Variants in TMEM217 observed in about 807,000 individuals in gnomAD.
TMEM217 encodes the protein chromosome 6 open reading frame 128.
For synonymous variants in TMEM217, 76 were observed against 88.3 expected (o/e 0.86, Z 0.78); for missense variants, 204 against 248.8 (o/e 0.82, Z 1.21).
intron 1 of TMEM217, among the ~76,000 whole-genome samples, chr6:37,226,196 C>T (rs1763813721): frequency 6.6e-6 from 1 of 151,470 alleles, no homozygotes; most frequent in African/African-American, 2.4e-5. Context: ...ACCATCTCCT[C>T]ATAAAGAGAT....
At chr6:37,240,373 G>A (rs946879625) in intron 1 of TMEM217, among the ~76,000 whole-genome samples, 1 of 152,172 alleles carries the variant, frequency 6.6e-6, no homozygotes, top group Non-Finnish European at 1.5e-5. Context: ...CTGTTGGCAG[G>A]AAGCCACAGT....
intron 1 of TMEM217, among the ~76,000 whole-genome samples, chr6:37,236,462 T>G (rs1343492431): frequency 6.6e-6 from 1 of 152,178 alleles, no homozygotes; most frequent in East Asian, 1.9e-4. Flanking sequence ...GAGAGTAAGC[T>G]AATTAGTTGT....
downstream of TMEM217, chr6:37,215,411 C>A: frequency 8.6e-7 from 1 of 1,161,414 alleles, no homozygotes; most frequent in Non-Finnish European, 1.1e-6. Flanking sequence ...CCCATCTCTA[C>A]TAAAGATACA....
At chr6:37,249,878 GACC>G (rs1396147468) in intron 1 of TMEM217, among the ~76,000 whole-genome samples, 1 of 152,214 alleles carries the variant, frequency 6.6e-6, no homozygotes, top group Non-Finnish European at 1.5e-5. Context: ...ATACACTCCA[GACC>G]ACCAATTCCA....
At chr6:37,235,523 G>A (rs568971708) in intron 1 of TMEM217, among the ~76,000 whole-genome samples, 28 of 152,132 alleles carry the variant, frequency 1.8e-4, no homozygotes, top group Admixed American at 4.6e-4. Flanking sequence ...CCGCCACCAC[G>A]CCTGGCTAAT....
intron 1 of TMEM217, among the ~76,000 whole-genome samples, chr6:37,252,637 A>ATAT (rs1765500286): frequency 1.1e-4 from 8 of 71,366 alleles, no homozygotes; most frequent in African/African-American, 2.6e-4. Context: ...ATATATATAT[A>ATAT]TTTTTTTTTT....
intron 1 of TMEM217, among the ~76,000 whole-genome samples, chr6:37,222,786 A>G (rs1049394711): frequency 1.3e-5 from 2 of 152,232 alleles, no homozygotes; most frequent in African/African-American, 4.8e-5. Context: ...CGGCTGCAGT[A>G]GCACCCGGTG....
At chr6:37,215,102 C>T (rs905434910), downstream of TMEM217, 48 of 1,515,062 alleles carry the variant, frequency 3.2e-5, no homozygotes, top group South Asian at 7.5e-5. Flanking sequence ...TCTCCACCCT[C>T]GGCACCTCTC....
In TMEM217 at chr6:37,212,404, T is replaced by C. The variant is rs78100727; in HGVS notation, c.*593A>G. On this transcript the variant is annotated 3_prime_UTR_variant, in exon 4 of 4. Transcript: ENST00000336655. ...CCATTCCCTCCCACCTTTCCTGGCA[T>C]CTGGCATGGTTCAGTTTAACTTCCG... 21 of 395,716 alleles carry C rather than the reference T, an allele frequency of 5.3e-5. No homozygotes were observed. In the Admixed American group the frequency reaches 5.6e-4, roughly 10 times the overall value. 24.5% of individuals were successfully genotyped at this position (395,716 alleles called of 1,614,324 possible). A position where few individuals can be genotyped will look rare whatever the true frequency, so the allele number is the denominator to read the frequency against.
chr6:37,234,292 G>A (rs1371920812), intron 1 of TMEM217, among the ~76,000 whole-genome samples: 1 of 152,024 alleles, frequency 6.6e-6, no homozygotes, highest in Non-Finnish European at 1.5e-5. Flanking sequence ...TCGAGGTGGG[G>A]TTTCTCCATG....
At chr6:37,218,780 T>G in exon 2 of TMEM217, 1 of 1,614,110 alleles carries the variant, frequency 6.2e-7, no homozygotes, top group Non-Finnish European at 8.5e-7. Context: ...ATACACTGAG[T>G]ACAGGAGGAA....
chr6:37,232,185 TC>T (rs746729343), intron 1 of TMEM217, among the ~76,000 whole-genome samples: 6 of 152,094 alleles, frequency 3.9e-5, no homozygotes, highest in Non-Finnish European at 7.4e-5. Context: ...GACGCTTCGT[TC>T]CAAAAAATAG....
intron 1 of TMEM217, among the ~76,000 whole-genome samples, chr6:37,227,575 T>C (rs1172586191): frequency 6.6e-6 from 1 of 152,086 alleles, no homozygotes; most frequent in Non-Finnish European, 1.5e-5. Context: ...GCCTCCCAAG[T>C]AGCTGGGACT....
intron 1 of TMEM217, among the ~76,000 whole-genome samples, chr6:37,228,586 C>T (rs1460750960): frequency 6.6e-6 from 1 of 152,180 alleles, no homozygotes; most frequent in African/African-American, 2.4e-5. Flanking sequence ...TGCCTGTAGT[C>T]CCAGATACTC....
exon 1 of TMEM217, chr6:37,257,915 G>A (rs372433421): frequency 5.6e-5 from 91 of 1,613,776 alleles, no homozygotes; most frequent in Non-Finnish European, 7.5e-5. Context: ...CCCGGCCAGA[G>A]CAATGGCCGC....
chr6:37,233,780 TACTA>T (rs1220850738), intron 1 of TMEM217, among the ~76,000 whole-genome samples: 11 of 152,256 alleles, frequency 7.2e-5, no homozygotes, highest in South Asian at 4.1e-4. Flanking sequence ...CTAACGAAGT[TACTA>T]ACTAACTAAC....
At chr6:37,240,318 C>T (rs2113884153) in intron 1 of TMEM217, among the ~76,000 whole-genome samples, 1 of 152,312 alleles carries the variant, frequency 6.6e-6, no homozygotes, top group Admixed American at 6.5e-5. Context: ...CATCTAAAGG[C>T]TCTACTTGTG....
At chr6:37,245,046 G>A (rs1764977126) in intron 1 of TMEM217, among the ~76,000 whole-genome samples, 1 of 152,180 alleles carries the variant, frequency 6.6e-6, no homozygotes, top group East Asian at 1.9e-4. Flanking sequence ...TCACACAAGT[G>A]CTTTGCAAGC....
rs546743785 is a variant in TMEM217 at position 37,220,068 on chromosome 6, A to T, written c.-11-1027T>A. The stretch of plus-strand genomic sequence containing the variant: ...ATTCAACTCAAGAAGTTAGAGGGAA[A>T]ATAAGAACTATACAAAAGTAGGAGG... On this transcript the variant is annotated intron_variant, in intron 1 of 1. Transcript: ENST00000357219. 2.6e-4 allele frequency among the ~76,000 whole-genome samples: 39 copies of T among 152,344 alleles called. No individual in the cohort carries two copies. In the Middle Eastern group the frequency reaches 0.017, roughly 66 times the overall value.
Sources: allele counts gnomAD v4.1 joint callset (sites outside exome capture counted in the v4.1 genomes callset), GRCh38; gene constraint gnomAD v4.1.1; transcripts MANE v1.5; gene names NCBI Gene and HGNC (gene_info 2026-07-23, HGNC 2026-07-21).